Variants in IL23R observed in about 807,000 individuals in gnomAD.
The protein encoded by IL23R is interleukin 23 receptor.
IL23R carries 34 observed loss-of-function variants against 56.9 expected under a neutral mutation model. The ratio of observed to expected loss-of-function variants is 0.60; its 90% CI spans 0.45 to 0.80. IL23R has a LOEUF of 0.80. Among genes scored for constraint, IL23R ranks in the 30% least tolerant of loss-of-function variants. IL23R has a pLI of 0.00. For missense variants in IL23R, 635 were observed against 730.0 expected (o/e 0.87, Z 1.50); for synonymous variants, 230 against 249.2 (o/e 0.92, Z 0.73).
downstream of IL23R, among the ~76,000 whole-genome samples, chr1:67,260,362 A>G (rs10889678): frequency 0.037 from 5,595 of 152,256 alleles, 361 homozygotes; most frequent in African/African-American, 0.13. Context: ...TTTTTTGTTT[A>G]CAAACCAGAT....
intron 5 of IL23R, among the ~76,000 whole-genome samples, chr1:67,201,521 C>A (rs1216485762): frequency 1.4e-5 from 2 of 147,122 alleles, no homozygotes; most frequent in African/African-American, 2.5e-5. Flanking sequence ...GGTGCCTGCC[C>A]TGAAATAACT....
chr1:67,227,978 C>A (rs1372323892), intron 7 of IL23R, among the ~76,000 whole-genome samples: 1 of 87,802 alleles, frequency 1.1e-5, no homozygotes, highest in African/African-American at 4.7e-5. Context: ...TTCTTTCTTT[C>A]TTTCTTTCTT....
Position 67,142,438 on chromosome 1 carries a change from T to C in IL23R, c.-634+3277T>C, listed in dbSNP as rs1355063821. 3.9e-5 allele frequency among the ~76,000 whole-genome samples: 6 copies of C among 152,220 alleles called. No individual in the cohort carries two copies. In the South Asian group the frequency reaches 1.2e-3, roughly 31 times the overall value. On this transcript the variant is annotated intron_variant, in intron 1 of 10. Transcript: ENST00000637002. ...GCTTCTCTACTCTTTATTCCAGTTT[T>C]GTGGCACTTTTACCTAAAGGAATGG...
intron 1 of IL23R, among the ~76,000 whole-genome samples, chr1:67,150,271 T>TTA (rs57497671): frequency 8.1e-6 from 1 of 123,038 alleles, no homozygotes; most frequent in Non-Finnish European, 1.8e-5. Context: ...TTTTTTTTTT[T>TTA]ACTTTAAGTT....
intron 9 of IL23R, among the ~76,000 whole-genome samples, chr1:67,247,578 A>G (rs921212683): frequency 1.3e-5 from 2 of 152,196 alleles, no homozygotes; most frequent in Non-Finnish European, 1.5e-5. Context: ...TGCTGGGATT[A>G]CAGGCATGAG....
At chr1:67,256,396 T>C (rs1450830714) in intron 10 of IL23R, among the ~76,000 whole-genome samples, 1 of 152,136 alleles carries the variant, frequency 6.6e-6, no homozygotes, top group Non-Finnish European at 1.5e-5. Flanking sequence ...GAGAGAACTG[T>C]GAACAATAGT....
At chr1:67,211,626 G>GA (rs80202587) in intron 6 of IL23R, among the ~76,000 whole-genome samples, 14,330 of 137,164 alleles carry the variant, frequency 0.1, 732 homozygotes, top group Non-Finnish European at 0.12. Context: ...GTCTCCAGAG[G>GA]AAAAAAAAAA....
intron 1 of IL23R, among the ~76,000 whole-genome samples, chr1:67,167,162 G>A (rs898842686): frequency 1.3e-5 from 2 of 152,138 alleles, no homozygotes; most frequent in African/African-American, 2.4e-5. Context: ...GAGTGCAATG[G>A]TGTGATCATG....
intron 7 of IL23R, among the ~76,000 whole-genome samples, chr1:67,234,497 G>A (rs1266426897): frequency 6.6e-6 from 1 of 152,080 alleles, no homozygotes; most frequent in East Asian, 1.9e-4. Context: ...ACTGAATGAA[G>A]TTTCATTGCC....
chr1:67,197,550 G>T (rs1648254305), intron 4 of IL23R, among the ~76,000 whole-genome samples: 1 of 152,286 alleles, frequency 6.6e-6, no homozygotes, highest in East Asian at 1.9e-4. Flanking sequence ...TCTGAGGGGG[G>T]CCCTATTCAT....
At chr1:67,245,019 G>A (rs1652121926) in intron 9 of IL23R, among the ~76,000 whole-genome samples, 1 of 152,104 alleles carries the variant, frequency 6.6e-6, no homozygotes, top group African/African-American at 2.4e-5. Flanking sequence ...TTTTGAAGAG[G>A]TCTTTCACAT....
At chr1:67,263,728 T>C (rs1287516843), downstream of IL23R, among the ~76,000 whole-genome samples, 1 of 152,108 alleles carries the variant, frequency 6.6e-6, no homozygotes, top group African/African-American at 2.4e-5. Flanking sequence ...CTGGCCAACA[T>C]GATGCAACCC....
At chr1:67,204,101 T>C (rs1648829287) in intron 5 of IL23R, among the ~76,000 whole-genome samples, 2 of 152,234 alleles carry the variant, frequency 1.3e-5, no homozygotes, top group African/African-American at 2.4e-5. Context: ...TCTCGCTCTG[T>C]CGCCCAGGCT....
At chr1:67,151,752 G>A (rs916428878) in intron 1 of IL23R, among the ~76,000 whole-genome samples, 4 of 152,194 alleles carry the variant, frequency 2.6e-5, no homozygotes, top group Non-Finnish European at 5.9e-5. Context: ...TCGAAGATCA[G>A]ATGGTTGTAG....
In IL23R at chr1:67,173,664, GT is replaced by G. The variant is rs1007389784; in HGVS notation, c.367+4033del. ...GTGTGTTCTTACTGTTTGAATATAG[GT>G]TTTTTTAAAAGGATATTAGACCTTC... On this transcript the variant is annotated intron_variant, in intron 3 of 10. Transcript: ENST00000347310. 1.4e-3 allele frequency among the ~76,000 whole-genome samples: 219 copies of G among 152,050 alleles called. 1 individual carries two copies. Among genetic ancestry groups the G allele is most frequent in the African/African-American group, 5.2e-3 (214 of 41,486 alleles).
intron 1 of IL23R, among the ~76,000 whole-genome samples, chr1:67,146,478 C>A (rs912529709): frequency 3.9e-5 from 6 of 152,090 alleles, no homozygotes. Context: ...TTTTATTGAA[C>A]CCCCTTCACT....
chr1:67,215,513 A>G (rs1030076865), intron 6 of IL23R, among the ~76,000 whole-genome samples: 1 of 152,320 alleles, frequency 6.6e-6, no homozygotes, highest in Non-Finnish European at 1.5e-5. Context: ...TCCTCTGCTT[A>G]TATCAGGCTT....
intron 6 of IL23R, 151 bp downstream of exon 6, chr1:67,207,206 A>G (rs1488209266): frequency 1.1e-6 from 1 of 897,518 alleles, no homozygotes; most frequent in South Asian, 1.4e-5. Context: ...TTGTTTTATA[A>G]TTTCAACTTT....
chr1:67,142,732 A>AT (rs1646649349), intron 1 of IL23R, among the ~76,000 whole-genome samples: 1 of 151,740 alleles, frequency 6.6e-6, no homozygotes, highest in East Asian at 1.9e-4. Context: ...AGCCCGGCCA[A>AT]TTTTTTTGTA....
Sources: allele counts gnomAD v4.1 joint callset (sites outside exome capture counted in the v4.1 genomes callset), GRCh38; gene constraint gnomAD v4.1.1; transcripts MANE v1.5; gene names NCBI Gene and HGNC (gene_info 2026-07-23, HGNC 2026-07-21).